The following ZBTB20 variants were observed in gnomAD, a reference collection of about 807,000 sequenced individuals.
The protein encoded by ZBTB20 is zinc finger and BTB domain containing 20.
In ZBTB20, 9 loss-of-function variants were observed where a neutral mutation model predicts 56.9. The observed-to-expected ratio is 0.16, with a 90% CI of 0.10 to 0.28. The LOEUF (loss-of-function observed/expected upper bound fraction) is 0.28. ZBTB20 is among the 10% of genes least tolerant of loss of function. ZBTB20 has a pLI of 1.00. For synonymous variants in ZBTB20, 417 were observed against 420.7 expected, an observed-to-expected ratio of 0.99 and a Z score of 0.11; for missense variants, 655 against 1,003.0, an observed-to-expected ratio of 0.65 and a Z score of 4.69.
In ZBTB20 at chr3:114,941,676, A is replaced by C. The variant is rs1576382675; in HGVS notation, c.-456+32690T>G. On this transcript the variant is annotated intron_variant, in intron 3 of 11. Coordinates refer to ENST00000675478, the MANE Select transcript of ZBTB20 (RefSeq NM_001348800.3). ...CATTTGTTGTTTCAGAAAGTGTTTAACTTTTGATACTACCACCAATGTAAA... is the reference window on the plus strand; with the variant it reads ...CATTTGTTGTTTCAGAAAGTGTTTACCTTTTGATACTACCACCAATGTAAA... Among the ~76,000 whole-genome samples the C allele has an allele frequency of 2.0e-5, 3 of 146,504 alleles. No individual in the cohort carries two copies. The East Asian group carries it at 5.8e-4, about 28-fold the overall frequency.
At chr3:114,423,850 C>T (rs1433922650) in intron 7 of ZBTB20, among the ~76,000 whole-genome samples, 1 of 152,168 alleles carries the variant, frequency 6.6e-6, no homozygotes, top group East Asian at 1.9e-4. Flanking sequence ...TAAAAATGAT[C>T]TGTAGAGCTT....
chr3:115,052,999 C>T (rs1446077779), intron 2 of ZBTB20, among the ~76,000 whole-genome samples: 1 of 152,150 alleles, frequency 6.6e-6, no homozygotes, highest in Non-Finnish European at 1.5e-5. Flanking sequence ...GTAAAGTCCA[C>T]AGTAAAGGCT....
At chr3:114,765,346 A>G (rs2068714967) in intron 5 of ZBTB20, among the ~76,000 whole-genome samples, 1 of 152,170 alleles carries the variant, frequency 6.6e-6, no homozygotes, top group African/African-American at 2.4e-5. Flanking sequence ...CTCAAGTATG[A>G]CTTATGCCTG....
At chr3:114,493,724 A>C (rs1486379436) in intron 7 of ZBTB20, among the ~76,000 whole-genome samples, 1 of 152,200 alleles carries the variant, frequency 6.6e-6, no homozygotes, top group African/African-American at 2.4e-5. Flanking sequence ...AGACTCAGTT[A>C]AATCTTCTTC....
intron 7 of ZBTB20, among the ~76,000 whole-genome samples, chr3:114,434,899 C>G (rs2090409553): frequency 6.6e-6 from 1 of 152,020 alleles, no homozygotes; most frequent in African/African-American, 2.4e-5. Context: ...GGCATCTTTC[C>G]TGATTCAAAG....
At chr3:114,782,919 A>G (rs2070211516) in intron 5 of ZBTB20, among the ~76,000 whole-genome samples, 1 of 152,212 alleles carries the variant, frequency 6.6e-6, no homozygotes, top group Non-Finnish European at 1.5e-5. Context: ...AAAATTGGCT[A>G]TTATTTGATG....
chr3:114,682,160 AC>A (rs1171896130), intron 6 of ZBTB20, among the ~76,000 whole-genome samples: 1 of 152,206 alleles, frequency 6.6e-6, no homozygotes, highest in African/African-American at 2.4e-5. Flanking sequence ...ATAGAATGTT[AC>A]TCACAACACA....
At chr3:115,084,507 A>G (rs1461006961) in intron 1 of ZBTB20, among the ~76,000 whole-genome samples, 1 of 151,958 alleles carries the variant, frequency 6.6e-6, no homozygotes, top group Non-Finnish European at 1.5e-5. Context: ...TGCCAAATGA[A>G]GGTCAATCTG....
At chr3:114,627,210 G>C (rs1560057049) in intron 6 of ZBTB20, among the ~76,000 whole-genome samples, 1 of 151,980 alleles carries the variant, frequency 6.6e-6, no homozygotes, top group Non-Finnish European at 1.5e-5. Context: ...TCTCATTTCT[G>C]GTTGCTCTGT....
chr3:114,468,341 G>T (rs770923175), intron 7 of ZBTB20, among the ~76,000 whole-genome samples: 13 of 152,224 alleles, frequency 8.5e-5, no homozygotes, highest in Middle Eastern at 3.4e-3. Flanking sequence ...GGTCAAAAGG[G>T]ACTAACAAAG....
At chr3:114,945,780 C>T (rs1051743821) in intron 3 of ZBTB20, among the ~76,000 whole-genome samples, 12 of 145,022 alleles carry the variant, frequency 8.3e-5, no homozygotes, top group South Asian at 4.3e-4. Context: ...TAATAATATG[C>T]TATTTGCAGG....
intron 7 of ZBTB20, among the ~76,000 whole-genome samples, chr3:114,462,202 A>G (rs1576891752): frequency 6.6e-6 from 1 of 152,314 alleles, no homozygotes; most frequent in South Asian, 2.1e-4. Flanking sequence ...TTGATATTTC[A>G]TATTAACTAG....
intron 5 of ZBTB20, chr3:114,759,053 T>C (rs1279273745): frequency 1.3e-5 from 2 of 152,184 alleles, no homozygotes; most frequent in Non-Finnish European, 2.9e-5. Context: ...ATACTCAATT[T>C]GCTTGTCCTG....
At chr3:114,880,241 T>G (rs2076348453) in intron 4 of ZBTB20, among the ~76,000 whole-genome samples, 1 of 152,198 alleles carries the variant, frequency 6.6e-6, no homozygotes, top group African/African-American at 2.4e-5. Flanking sequence ...TGTGCCAAGT[T>G]AGCACGCAGA....
chr3:114,532,149 C>T (rs1559919941), intron 6 of ZBTB20, among the ~76,000 whole-genome samples: 2 of 152,180 alleles, frequency 1.3e-5, no homozygotes. Context: ...CCACTCACTA[C>T]CCTGGAATGG....
chr3:114,611,933 A>G (rs187085333), intron 6 of ZBTB20, among the ~76,000 whole-genome samples: 1 of 152,178 alleles, frequency 6.6e-6, no homozygotes, highest in Admixed American at 6.5e-5. Flanking sequence ...TATTGTTCTC[A>G]TCACCCACAA....
Position 114,614,556 on chromosome 3 carries a change from T to G in ZBTB20, c.-295+78972A>C, listed in dbSNP as rs902323027. Among the ~76,000 whole-genome samples, 5 of 152,176 alleles carry G rather than the reference T, an allele frequency of 3.3e-5. No homozygotes were observed. In the East Asian group the frequency reaches 9.6e-4, roughly 29 times the overall value. ...AAAAATCCCATTATTACTGAGATTT[T>G]TCAAACCCTGATAATTCTGCTGGGA... is the stretch of plus-strand genomic sequence containing the variant. On this transcript the variant is annotated intron_variant, in intron 6 of 11. Transcript: ENST00000675478.
chr3:114,800,479 A>G (rs1184548499), intron 5 of ZBTB20, among the ~76,000 whole-genome samples: 1 of 151,896 alleles, frequency 6.6e-6, no homozygotes, highest in East Asian at 1.9e-4. Context: ...TGGGGCTCTG[A>G]GAGACAGCCT....
intron 7 of ZBTB20, among the ~76,000 whole-genome samples, chr3:114,485,809 G>A (rs1346301510): frequency 6.6e-6 from 1 of 152,092 alleles, no homozygotes; most frequent in African/African-American, 2.4e-5. Context: ...TGGAAGCAGA[G>A]AGGACTTCAC....
Sources: allele counts gnomAD v4.1 joint callset (sites outside exome capture counted in the v4.1 genomes callset), GRCh38; gene constraint gnomAD v4.1.1; transcripts MANE v1.5; gene names NCBI Gene and HGNC (gene_info 2026-07-23, HGNC 2026-07-21).